ROCK1: variants seen among roughly 807,000 people sequenced by gnomAD.
The protein encoded by ROCK1 is rho-associated protein kinase 1.
Under a neutral mutation model 196.8 loss-of-function variants are expected in ROCK1, and 36 were observed. The ratio of observed to expected loss-of-function variants is 0.18; its 90% CI spans 0.14 to 0.24. ROCK1 has a LOEUF of 0.24. Among genes scored for constraint, ROCK1 ranks in the 10% least tolerant of loss-of-function variants. ROCK1 has a pLI of 1.00. For synonymous variants in ROCK1, 443 were observed against 515.9 expected (o/e 0.86, Z 1.91); for missense variants, 920 against 1,562.0 (o/e 0.59, Z 6.93).
At chr18:21,002,259 C>T (rs2035731257) in intron 16 of ROCK1, among the ~76,000 whole-genome samples, 2 of 151,966 alleles carry the variant, frequency 1.3e-5, no homozygotes, top group Non-Finnish European at 2.9e-5. Context: ...AGGTCTGGGA[C>T]AAAAAATAAT....
chr18:21,073,804 G>C (rs759967312), intron 1 of ROCK1, among the ~76,000 whole-genome samples: 1 of 152,082 alleles, frequency 6.6e-6, no homozygotes, highest in Non-Finnish European at 1.5e-5. Context: ...TGGTAAGAGA[G>C]GATATACCAT....
At chr18:20,968,925 CAAT>C in intron 24 of ROCK1, 65 bp from the exon 25 acceptor site, 3 of 1,108,160 alleles carry the variant, frequency 2.7e-6, no homozygotes, top group South Asian at 2.6e-5. Flanking sequence ...TTCAAACTAA[CAAT>C]GTCTTTAATT....
At chr18:20,998,974 G>A (rs2035697567) in intron 16 of ROCK1, among the ~76,000 whole-genome samples, 1 of 151,968 alleles carries the variant, frequency 6.6e-6, no homozygotes, top group African/African-American at 2.4e-5. Flanking sequence ...AATAGAGGAG[G>A]AGAGAATGTT....
intron 2 of ROCK1, among the ~76,000 whole-genome samples, chr18:21,050,344 T>TAA (rs202007611): frequency 1.1e-4 from 15 of 136,564 alleles, no homozygotes; most frequent in Admixed American, 1.5e-4. Context: ...GCAAACACAC[T>TAA]AAAAAAAAAA....
At chr18:21,000,832 T>C (rs1234375318) in intron 16 of ROCK1, among the ~76,000 whole-genome samples, 2 of 152,154 alleles carry the variant, frequency 1.3e-5, no homozygotes, top group African/African-American at 2.4e-5. Context: ...GGTGCAGCCA[T>C]TGCAGAAAAC....
rs780641890 is a variant in ROCK1 at position 20,967,011 on chromosome 18, A to G, written c.3258T>C (p.Asp1086=). Residue 1086 remains aspartate (D), a synonymous_variant, in exon 27 of 33, where the codon GAT becomes GAC. Transcript: ENST00000399799. ...AAAGTTTAGCACGCAATTGCTCAAT[A>G]TCACTCTCTTTGCTGGCCAACTGCA... ...LQMQLASKES[D]IEQLRAKLLD... is the part of the protein sequence containing the mutation. The G allele has an allele frequency of 1.3e-5, 21 of 1,611,600 alleles. No homozygotes were observed. The highest frequency in any genetic ancestry group is 1.7e-6 in the Non-Finnish European group (2 of 1,177,810).
chr18:21,031,604 C>CAAAAA (rs781463990), intron 9 of ROCK1, among the ~76,000 whole-genome samples: 19 of 51,796 alleles, frequency 3.7e-4, no homozygotes, highest in Admixed American at 9.2e-4. Context: ...GACTCCATCT[C>CAAAAA]AAAAAAAAAA....
intron 10 of ROCK1, among the ~76,000 whole-genome samples, chr18:21,025,749 A>C (rs2143472991): frequency 6.6e-6 from 1 of 152,188 alleles, no homozygotes. Flanking sequence ...AAATATATAT[A>C]TATTTTGTTG....
intron 2 of ROCK1, among the ~76,000 whole-genome samples, chr18:21,063,446 G>A (rs886828954): frequency 2.0e-5 from 3 of 151,818 alleles, no homozygotes; most frequent in African/African-American, 4.9e-5. Context: ...TGGGTGGGTT[G>A]GAAAGAATTC....
At chr18:21,021,727 C>T (rs536623707) in intron 11 of ROCK1, among the ~76,000 whole-genome samples, 7 of 152,208 alleles carry the variant, frequency 4.6e-5, no homozygotes, top group Admixed American at 3.9e-4. Context: ...AGGTAGCAAC[C>T]ACTGATAAAC....
intron 8 of ROCK1, among the ~76,000 whole-genome samples, chr18:21,041,481 C>G (rs562279244): frequency 6.6e-6 from 1 of 151,886 alleles, no homozygotes; most frequent in South Asian, 2.1e-4. Flanking sequence ...CAAAAGTAAA[C>G]CACAAAGGTA....
At chr18:21,022,291 T>G (rs2035920101) in intron 11 of ROCK1, among the ~76,000 whole-genome samples, 2 of 152,198 alleles carry the variant, frequency 1.3e-5, no homozygotes, top group Admixed American at 1.3e-4. Flanking sequence ...GCAAGTAAGA[T>G]TTTGTTTTAC....
chr18:21,084,401 T>C (rs992507545), intron 1 of ROCK1, among the ~76,000 whole-genome samples: 2 of 152,158 alleles, frequency 1.3e-5, no homozygotes, highest in Non-Finnish European at 1.5e-5. Context: ...GCAAAATATG[T>C]AGGGCACTCC....
chr18:21,019,336 G>A (rs1285926389), intron 12 of ROCK1, among the ~76,000 whole-genome samples: 8 of 152,040 alleles, frequency 5.3e-5, no homozygotes, highest in Non-Finnish European at 1.5e-5. Flanking sequence ...TGTATTTTCA[G>A]TAGAGATGCG....
chr18:21,057,105 A>G (rs1306420328), intron 2 of ROCK1, among the ~76,000 whole-genome samples: 2 of 152,230 alleles, frequency 1.3e-5, no homozygotes, highest in African/African-American at 4.8e-5. Flanking sequence ...GCAAAATAAT[A>G]TTTGCAAAAT....
At position 20,948,003 on chromosome 18, in the gene ROCK1, GGGAGTCTGAGGCA is replaced by G. The variant is rs1446253621; in HGVS notation, c.*3368_*3380del. On this transcript the variant is annotated 3_prime_UTR_variant, in exon 33 of 33. Coordinates refer to ENST00000399799, the MANE Select transcript of ROCK1 (RefSeq NM_005406.3). ...TGGGCACCTGTAATCCCAGCTACTC[GGGAGTCTGAGGCA>G]GGAGGATCACTTGAACCTGGGAGGC... 49 of 152,094 alleles carry G rather than the reference GGGAGTCTGAGGCA, an allele frequency of 3.2e-4. No homozygotes were observed. Among genetic ancestry groups the G allele is most frequent in the African/African-American group, 1.2e-3 (48 of 41,488 alleles). The allele number at this position is 152,094 out of a possible 1,614,324, so 9.4% of individuals were successfully genotyped here. A position where few individuals can be genotyped will look rare whatever the true frequency, so the allele number is the denominator to read the frequency against.
intron 29 of ROCK1, among the ~76,000 whole-genome samples, chr18:20,956,608 C>G (rs2035244266): frequency 6.6e-6 from 1 of 152,178 alleles, no homozygotes; most frequent in South Asian, 2.1e-4. Flanking sequence ...AACCAGATAC[C>G]TATGTGGGGG....
intron 7 of ROCK1, 25 bp downstream of exon 7, chr18:21,042,540 G>A (rs772623859): frequency 6.2e-7 from 1 of 1,610,292 alleles, no homozygotes. Context: ...CTGTAATAGA[G>A]AGACATAAAA....
At position 20,948,015 on chromosome 18, in the gene ROCK1, C is replaced by A. The variant is rs1230876338; in HGVS notation, c.*3369G>T. On this transcript the variant is annotated 3_prime_UTR_variant, in exon 33 of 33. Coordinates refer to ENST00000399799, the MANE Select transcript of ROCK1 (RefSeq NM_005406.3). ...ATCCCAGCTACTCGGGAGTCTGAGGCAGGAGGATCACTTGAACCTGGGAGG... is the reference window on the plus strand; with the variant it reads ...ATCCCAGCTACTCGGGAGTCTGAGGAAGGAGGATCACTTGAACCTGGGAGG... 1 of 151,942 alleles carries A rather than the reference C, an allele frequency of 6.6e-6. No homozygotes were observed. Among genetic ancestry groups the A allele is most frequent in the Non-Finnish European group, 1.5e-5 (1 of 68,020 alleles). The allele number at this position is 151,942 out of a possible 1,614,324, so 9.4% of individuals were successfully genotyped here.
Sources: allele counts gnomAD v4.1 joint callset (sites outside exome capture counted in the v4.1 genomes callset), GRCh38; gene constraint gnomAD v4.1.1; transcripts MANE v1.5; gene names NCBI Gene and HGNC (gene_info 2026-07-23, HGNC 2026-07-21).